PASD1: variants seen among roughly 807,000 people sequenced by gnomAD.
PASD1 encodes PAS domain containing repressor 1.
Under a neutral mutation model 58.8 loss-of-function variants are expected in PASD1, and 13 were observed. The ratio of observed to expected loss-of-function variants is 0.22; its 90% CI spans 0.14 to 0.35. The LOEUF (loss-of-function observed/expected upper bound fraction) is 0.35, where lower values mean the gene tolerates loss of function less well. Among genes scored for constraint, PASD1 ranks in the 10% least tolerant of loss-of-function variants. PASD1 has a pLI of 1.00. For synonymous variants in PASD1, 236 were observed against 216.7 expected (o/e 1.09, Z -0.78); for missense variants, 734 against 568.3 (o/e 1.29, Z -2.96).
Position 151,571,856 on chromosome X carries a change from G to A in PASD1, c.-28+8017G>A, listed in dbSNP as rs774862741. On this transcript the variant is annotated intron_variant, in intron 1 of 15. Transcript: ENST00000370357. ...TTAATCTTTGTTCCTTCTCATATTAGTCTGCCTCCTTCATAGCATGTCTGG... is the reference window on the plus strand; with the variant it reads ...TTAATCTTTGTTCCTTCTCATATTAATCTGCCTCCTTCATAGCATGTCTGG... Among the ~76,000 whole-genome samples the A allele has an allele frequency of 7.4e-4, 83 of 111,679 alleles. 1 individual carries two copies. Among genetic ancestry groups the A allele is most frequent in the African/African-American group, 2.6e-3 (80 of 30,701 alleles).
chrX:151,569,568 A>G (rs980178178), intron 1 of PASD1, among the ~76,000 whole-genome samples: 6 of 112,070 alleles, frequency 5.4e-5, no homozygotes, highest in African/African-American at 1.9e-4. Context: ...TATACATTCC[A>G]TAAGAAACAA....
intron 1 of PASD1, among the ~76,000 whole-genome samples, chrX:151,575,155 GGAGGAGACTAAA>G (rs1186202948): frequency 9.1e-6 from 1 of 109,425 alleles, no homozygotes; most frequent in Non-Finnish European, 1.9e-5. Context: ...GCTGGAATTG[GGAGGAGACTAAA>G]GACATTTGAC....
At chrX:151,565,517 A>G (rs1271574027) in intron 1 of PASD1, among the ~76,000 whole-genome samples, 1 of 108,668 alleles carries the variant, frequency 9.2e-6, no homozygotes, top group African/African-American at 3.4e-5. Context: ...CCAGCAAGTC[A>G]GGAGCCAGTG....
chrX:151,621,358 T>C, intron 5 of PASD1, 124 bp from the exon 6 acceptor site: 1 of 556,375 alleles, frequency 1.8e-6, no homozygotes, highest in Non-Finnish European at 2.8e-6. Context: ...CTAATGTTCG[T>C]GGAAAGAAAA....
At chrX:151,603,464 CCT>C (rs1250646592) in intron 2 of PASD1, among the ~76,000 whole-genome samples, 1 of 111,635 alleles carries the variant, frequency 9.0e-6, no homozygotes, top group Non-Finnish European at 1.9e-5. Flanking sequence ...TATGAACTCC[CCT>C]CTCTTTTTTA....
intron 9 of PASD1, 38 bp downstream of exon 9, chrX:151,648,740 C>A: frequency 8.5e-7 from 1 of 1,173,007 alleles, no homozygotes; most frequent in Non-Finnish European, 1.2e-6. Context: ...AATCTTAGAC[C>A]CTTATCCGTG....
intron 1 of PASD1, among the ~76,000 whole-genome samples, chrX:151,591,714 A>G (rs1201790205): frequency 9.0e-6 from 1 of 111,346 alleles, no homozygotes; most frequent in Non-Finnish European, 1.9e-5. Flanking sequence ...GTTTGAGCCT[A>G]CCTTGCCCAG....
chrX:151,638,634 C>A (rs2013961461), intron 8 of PASD1, among the ~76,000 whole-genome samples: 1 of 111,190 alleles, frequency 9.0e-6, no homozygotes, highest in Non-Finnish European at 1.9e-5. Flanking sequence ...TTTCTCAAGT[C>A]TGGGGCTTCT....
intron 11 of PASD1, 48 bp from the exon 12 acceptor site, chrX:151,670,990 A>G (rs2014459629): frequency 8.7e-7 from 1 of 1,152,061 alleles, no homozygotes; most frequent in Non-Finnish European, 1.2e-6. Flanking sequence ...TAAGACTTGG[A>G]GAAACCAGTG....
chrX:151,671,011 T>C lies in PASD1; in HGVS notation c.1072-27T>C, dbSNP rs768272356. The C allele has an allele frequency of 4.2e-6, 5 of 1,201,158 alleles. No individual in the cohort carries two copies. The South Asian group carries it at 9.2e-5, about 22-fold the overall frequency. ...TTGGAGAAACCAGTGTTGCTATACA[T>C]GAACCATAAGTAATTCCTCCCCACA... is the stretch of plus-strand genomic sequence containing the variant. On this transcript the variant is annotated intron_variant, in intron 11 of 15. Transcript: ENST00000370357.
chrX:151,628,402 C>G (rs1432420460), intron 8 of PASD1, among the ~76,000 whole-genome samples: 10 of 112,108 alleles, frequency 8.9e-5, no homozygotes, highest in African/African-American at 3.2e-4. Flanking sequence ...AGGAAGCGAT[C>G]CAGTTTCAGC....
intron 1 of PASD1, among the ~76,000 whole-genome samples, chrX:151,600,210 GGC>G (rs1556142582): frequency 9.0e-6 from 1 of 110,504 alleles, no homozygotes; most frequent in Non-Finnish European, 1.9e-5. Flanking sequence ...TCGAGATGGT[GGC>G]AGTACAGTCC....
At chrX:151,574,002 T>C (rs1435744754) in intron 1 of PASD1, among the ~76,000 whole-genome samples, 1 of 112,260 alleles carries the variant, frequency 8.9e-6, no homozygotes, top group Non-Finnish European at 1.9e-5. Flanking sequence ...TGAGGCAAGG[T>C]AGAAATGAAT....
intron 1 of PASD1, among the ~76,000 whole-genome samples, chrX:151,568,859 T>A (rs2012886346): frequency 9.0e-6 from 1 of 111,267 alleles, no homozygotes; most frequent in Non-Finnish European, 1.9e-5. Context: ...TCGGTGAACT[T>A]CTCCATCCGT....
intron 4 of PASD1, among the ~76,000 whole-genome samples, chrX:151,614,276 T>A (rs764131999): frequency 1.1e-4 from 12 of 111,698 alleles, no homozygotes; most frequent in Non-Finnish European, 2.1e-4. Context: ...TGAGCCACCA[T>A]GCCCAGCCTA....
chrX:151,653,797 T>TC, intron 9 of PASD1, among the ~76,000 whole-genome samples: 2 of 17,554 alleles, frequency 1.1e-4, no homozygotes, highest in African/African-American at 3.1e-4. Flanking sequence ...TTTCTTTCTT[T>TC]CTTTCCTTCC....
intron 8 of PASD1, among the ~76,000 whole-genome samples, chrX:151,637,614 G>A (rs1322493871): frequency 9.0e-6 from 1 of 111,154 alleles, no homozygotes; most frequent in Non-Finnish European, 1.9e-5. Flanking sequence ...TGATCTGCCC[G>A]CCTCGGCCTC....
At chrX:151,599,488 G>A (rs1022439555) in intron 1 of PASD1, among the ~76,000 whole-genome samples, 3 of 110,872 alleles carry the variant, frequency 2.7e-5, no homozygotes, top group Middle Eastern at 4.3e-3. Flanking sequence ...GCCGGGCGGA[G>A]ACGCTCCTCA....
rs1188954977 is a variant in PASD1 at position 151,625,532 on chromosome X, T to TGAGAGGTA, written c.629+4_629+11dup. ...GGAACCTTTTGTGGGAGAGCTCAGG[T>TGAGAGGTA]GAGAGGTAGTATTGATAAAGCTAAT... On this transcript the variant is annotated splice_region_variant and intron_variant, in intron 8 of 15. Coordinates refer to ENST00000370357, the MANE Select transcript of PASD1 (RefSeq NM_173493.3). 1 of 1,177,769 alleles carries TGAGAGGTA rather than the reference T, an allele frequency of 8.5e-7. No individual in the cohort carries two copies. Among genetic ancestry groups the TGAGAGGTA allele is most frequent in the Admixed American group, 2.2e-5 (1 of 45,282 alleles).
Sources: allele counts gnomAD v4.1 joint callset (sites outside exome capture counted in the v4.1 genomes callset), GRCh38; gene constraint gnomAD v4.1.1; transcripts MANE v1.5; gene names NCBI Gene and HGNC (gene_info 2026-07-23, HGNC 2026-07-21).